PUS7: variants seen among roughly 807,000 people sequenced by gnomAD.
PUS7 encodes pseudouridylate synthase 7 homolog.
In PUS7, 48 loss-of-function variants were observed where a neutral mutation model predicts 79.8. The observed-to-expected ratio is 0.60, with a 90% confidence interval of 0.48 to 0.76. The LOEUF (loss-of-function observed/expected upper bound fraction) is 0.76. Ranked by LOEUF, PUS7 falls within the 30% of genes least tolerant of loss-of-function variation. PUS7 has a pLI of 0.00. For missense variants in PUS7, 729 were observed against 797.6 expected (o/e 0.91, Z 1.04); for synonymous variants, 286 against 272.2 (o/e 1.05, Z -0.50).
chr7:105,466,531 G>T (rs553025041), intron 12 of PUS7, among the ~76,000 whole-genome samples: 26 of 152,208 alleles, frequency 1.7e-4, no homozygotes, highest in African/African-American at 6.3e-4. Context: ...GGGATTACGG[G>T]TGTGAGCTAC....
chr7:105,467,034 GTTTTTTTTTT>G lies in PUS7; in HGVS notation c.1525+1293_1525+1302del, dbSNP rs56177512. Among the ~76,000 whole-genome samples, 506 of 70,714 alleles carry G rather than the reference GTTTTTTTTTT, an allele frequency of 7.2e-3. 5 individuals carry two copies. The highest frequency in any genetic ancestry group is 0.022 in the African/African-American group (471 of 21,018). 46.4% of individuals were successfully genotyped at this position (70,714 alleles called of 152,430 possible). A position where few individuals can be genotyped will look rare whatever the true frequency, so the allele number is the denominator to read the frequency against. ...AGAACTCTGAATCCCAGTTTTTTCT[GTTTTTTTTTT>G]TTTTTTTTTTTTTTTTTTAACTAGC... On this transcript the variant is annotated intron_variant, in intron 12 of 15. Transcript: ENST00000469408.
rs762319736 is a variant in PUS7 at position 105,459,253 on chromosome 7, G to A, written c.1764C>T (p.Val588=). ...GAATTTTGGGATCATCATATGCAAC[G>A]ACTTCCCTTCAAAACATATGAATAA... ...IIRPQNVSWE[V]VAYDDPKIPL... is the part of the protein sequence containing the mutation. Residue 588 remains valine, a synonymous_variant, in exon 15 of 16, where the codon GTC becomes GTT. Coordinates refer to ENST00000469408, the MANE Select transcript of PUS7 (RefSeq NM_019042.5). 16 of 1,606,536 alleles carry A rather than the reference G, an allele frequency of 1.0e-5. 1 individual carries two copies. The African/African-American group carries it at 1.1e-4, about 11-fold the overall frequency.
rs780874041 is a variant in PUS7 at position 105,457,761 on chromosome 7, C to T, written c.*29G>A. On this transcript the variant is annotated 3_prime_UTR_variant, in exon 16 of 16. Transcript: ENST00000469408. ...GAGCCAGGAAGCAAACACTTGTGTA[C>T]GTTTTCTAATCTGTGGACAAGGTAC... The T allele has an allele frequency of 1.7e-5, 27 of 1,605,960 alleles. 1 individual carries two copies. Among genetic ancestry groups the T allele is most frequent in the South Asian group, 4.4e-5 (4 of 89,932 alleles).
chr7:105,489,690 G>A (rs567698204), intron 7 of PUS7, among the ~76,000 whole-genome samples: 2 of 152,234 alleles, frequency 1.3e-5, no homozygotes, highest in Admixed American at 6.5e-5. Flanking sequence ...TAAACATTAC[G>A]ATACAACCGG....
chr7:105,502,307 G>T (rs1242892612), intron 5 of PUS7, 113 bp downstream of exon 5: 3 of 1,302,974 alleles, frequency 2.3e-6, no homozygotes, highest in African/African-American at 1.5e-5. Context: ...GATCAATATT[G>T]TTCTCTGAGC....
chr7:105,475,407 G>C lies in PUS7; in HGVS notation c.1176-3214C>G, dbSNP rs372688938. Among the ~76,000 whole-genome samples the C allele has an allele frequency of 5.4e-3, 818 of 152,074 alleles. 11 individuals are homozygous for C. The highest frequency in any genetic ancestry group is 0.019 in the African/African-American group (773 of 41,452). Reference sequence around the variant, plus strand: ...TCACTGTGTTAGCCAGGATGGTCTCGATCTCCTGACCTTGTGATCTGCCCC... The same window carrying C: ...TCACTGTGTTAGCCAGGATGGTCTCCATCTCCTGACCTTGTGATCTGCCCC... On this transcript the variant is annotated intron_variant, in intron 9 of 15. Transcript: ENST00000469408.
intron 1 of PUS7, among the ~76,000 whole-genome samples, chr7:105,516,536 C>T (rs988955162): frequency 2.6e-5 from 4 of 151,990 alleles, no homozygotes; most frequent in African/African-American, 7.3e-5. Context: ...TCACAGCAAC[C>T]TCCACCTCCC....
chr7:105,457,980 A>T, intron 15 of PUS7, 54 bp from the exon 16 acceptor site: 1 of 1,583,994 alleles, frequency 6.3e-7, no homozygotes, highest in Non-Finnish European at 8.6e-7. Context: ...CAGACAGACC[A>T]GCGAGAGTCA....
At chr7:105,496,590 G>A (rs1825046488) in intron 5 of PUS7, among the ~76,000 whole-genome samples, 3 of 152,186 alleles carry the variant, frequency 2.0e-5, no homozygotes, top group South Asian at 4.1e-4. Context: ...GCTGGTACTT[G>A]GATACCTGGC....
At chr7:105,509,835 GAAC>G (rs1015893858) in intron 1 of PUS7, among the ~76,000 whole-genome samples, 8 of 152,022 alleles carry the variant, frequency 5.3e-5, no homozygotes, top group Non-Finnish European at 7.4e-5. Flanking sequence ...TACATAAACT[GAAC>G]AATATGTAGC....
At chr7:105,465,229 A>G in intron 13 of PUS7, 84 bp downstream of exon 13, 1 of 977,996 alleles carries the variant, frequency 1.0e-6, no homozygotes, top group South Asian at 1.6e-5. Context: ...ACTGTCATAA[A>G]TAACCAAAGT....
At chr7:105,521,961 C>T (rs553272985) in intron 1 of PUS7, 91 bp downstream of exon 1, 1 of 152,708 alleles carries the variant, frequency 6.5e-6, no homozygotes, top group East Asian at 1.9e-4. Context: ...TCCCAGTCCG[C>T]ACTGCCTCTT....
At chr7:105,468,016 T>C (rs893798984) in intron 12 of PUS7, among the ~76,000 whole-genome samples, 1 of 151,910 alleles carries the variant, frequency 6.6e-6, no homozygotes, top group African/African-American at 2.4e-5. Flanking sequence ...CACTGCAACA[T>C]CTGCCTCCTG....
intron 6 of PUS7, among the ~76,000 whole-genome samples, chr7:105,492,242 GCA>G (rs1211599384): frequency 6.6e-6 from 1 of 151,892 alleles, no homozygotes; most frequent in East Asian, 1.9e-4. Context: ...AACAGCCACT[GCA>G]CACTACACTC....
chr7:105,462,658 A>T lies in PUS7; in HGVS notation c.1720T>A (p.Tyr574Asn). ...KIRDYSLSGA[Y>N]RKIIIRPQNV... ...TGAGGACGAATAATGATCTTTCGGT[A>T]GGCCCCTGACAAGGAATAATCTCGA... Residue 574 changes from tyrosine (Y) to asparagine (N), a missense_variant, in exon 14 of 16, where the codon TAC (tyrosine) becomes AAC (asparagine). Physicochemically the swap from Tyr to Asn is moderately radical, Grantham distance 143. Coordinates refer to ENST00000469408, the MANE Select transcript of PUS7 (RefSeq NM_019042.5). 1 of 1,613,912 alleles carries T rather than the reference A, an allele frequency of 6.2e-7. No individual in the cohort carries two copies. The highest frequency in any genetic ancestry group is 8.5e-7 in the Non-Finnish European group (1 of 1,179,922).
At chr7:105,486,797 C>T (rs1181638040) in intron 7 of PUS7, among the ~76,000 whole-genome samples, 1 of 151,906 alleles carries the variant, frequency 6.6e-6, no homozygotes, top group Non-Finnish European at 1.5e-5. Flanking sequence ...TGGTGGCTCA[C>T]GCCTGTAATC....
intron 12 of PUS7, among the ~76,000 whole-genome samples, chr7:105,466,547 C>T (rs1334821307): frequency 6.6e-6 from 1 of 152,038 alleles, no homozygotes; most frequent in Non-Finnish European, 1.5e-5. Flanking sequence ...GCTACTGCAC[C>T]AAATCTGAAG....
At chr7:105,463,938 T>C (rs1277356435) in intron 13 of PUS7, among the ~76,000 whole-genome samples, 2 of 152,212 alleles carry the variant, frequency 1.3e-5, no homozygotes, top group African/African-American at 4.8e-5. Flanking sequence ...TTGTTCAAGT[T>C]ACTCATAAAA....
intron 12 of PUS7, among the ~76,000 whole-genome samples, chr7:105,467,822 A>G (rs1000904355): frequency 1.3e-5 from 2 of 151,870 alleles, no homozygotes; most frequent in African/African-American, 2.4e-5. Context: ...CGAGGTGGGG[A>G]GTTCGAGATC....
Sources: gnomAD v4.1 joint callset for allele counts (sites outside exome capture counted in the v4.1 genomes callset) on GRCh38, gnomAD v4.1.1 for gene constraint, MANE v1.5 for transcripts, NCBI Gene and HGNC (gene_info 2026-07-23, HGNC 2026-07-21) for gene names.